The following TTC13 variants were observed in gnomAD, a reference collection of about 807,000 sequenced individuals.
The protein encoded by TTC13 is tetratricopeptide repeat domain 13.
In TTC13, 62 loss-of-function variants were observed where a neutral mutation model predicts 120.0. The observed-to-expected ratio is 0.52, with a 90% CI of 0.42 to 0.64. The LOEUF is 0.64. Among genes scored for constraint, TTC13 ranks in the 30% least tolerant of loss-of-function variants. The pLI, the probability that TTC13 is intolerant of heterozygous loss-of-function variation, is 0.00. For missense variants in TTC13, 824 were observed against 1,050.2 expected (o/e 0.78, Z 2.98); for synonymous variants, 384 against 393.5 (o/e 0.98, Z 0.28).
chr1:230,949,449 T>C (rs1675331808), intron 4 of TTC13, among the ~76,000 whole-genome samples: 2 of 84,786 alleles, frequency 2.4e-5, no homozygotes, highest in Non-Finnish European at 5.0e-5. Context: ...AGCTGAAATA[T>C]CCGAACACTG....
At position 230,914,070 on chromosome 1, in the gene TTC13, G is replaced by A. The variant is rs543328442; in HGVS notation, c.2094-1312C>T. On this transcript the variant is annotated intron_variant, in intron 18 of 22. Transcript: ENST00000366661. ...CTGGTGAAGCAGGAGACAGAAGATGGGATGCCAGGCAGAGTCGACTCGAGG... is the reference window on the plus strand; with the variant it reads ...CTGGTGAAGCAGGAGACAGAAGATGAGATGCCAGGCAGAGTCGACTCGAGG... 2.0e-5 allele frequency among the ~76,000 whole-genome samples: 3 copies of A among 152,250 alleles called. No individual in the cohort carries two copies. The South Asian group carries it at 6.2e-4, about 32-fold the overall frequency.
In TTC13 at chr1:230,940,567, C is replaced by A. The variant is rs1327269847; in HGVS notation, c.673-11G>T. On this transcript the variant is annotated splice_polypyrimidine_tract_variant and intron_variant, in intron 6 of 22. Coordinates refer to ENST00000366661, the MANE Select transcript of TTC13 (RefSeq NM_024525.5). The surrounding 1 kb of genome is among the most constrained non-coding windows in gnomAD (Gnocchi z 4.1). Reference sequence around the variant, plus strand: ...CAGAGGGGACAGAATCTAGAAATCCCAAACATGTAATCAGGAAGAATACCA... The same window carrying A: ...CAGAGGGGACAGAATCTAGAAATCCAAAACATGTAATCAGGAAGAATACCA... The A allele has an allele frequency of 1.3e-6, 2 of 1,556,490 alleles. No individual in the cohort carries two copies. The highest frequency in any genetic ancestry group is 1.4e-5 in the African/African-American group (1 of 73,848).
At chr1:230,968,142 CT>C (rs1553299063) in intron 1 of TTC13, among the ~76,000 whole-genome samples, 1 of 125,984 alleles carries the variant, frequency 7.9e-6, no homozygotes, top group Non-Finnish European at 1.7e-5. Context: ...CTATTTTATT[CT>C]TCTTTTTTTT....
chr1:230,919,772 C>G (rs1672392319), intron 17 of TTC13, among the ~76,000 whole-genome samples: 1 of 152,116 alleles, frequency 6.6e-6, no homozygotes, highest in Admixed American at 6.6e-5. Flanking sequence ...AACTAAACGC[C>G]CAAGGTGTTC....
At chr1:230,916,427 A>C in intron 17 of TTC13, 125 bp from the exon 18 acceptor site, 1 of 752,686 alleles carries the variant, frequency 1.3e-6, no homozygotes, top group South Asian at 1.5e-5. Context: ...ATCTGATACA[A>C]GAGATGGTGG....
At chr1:230,948,663 T>C (rs543773412) in intron 4 of TTC13, among the ~76,000 whole-genome samples, 6 of 152,118 alleles carry the variant, frequency 3.9e-5, no homozygotes, top group African/African-American at 1.4e-4. Context: ...AATTTTAAAA[T>C]TTTTTTGTTG....
At position 230,929,165 on chromosome 1, in the gene TTC13, C is replaced by T. The variant is rs939407531; in HGVS notation, c.1301-72G>A. 9.1e-6 allele frequency: 13 copies of T among 1,433,352 alleles called. No individual in the cohort carries two copies. The Admixed American group carries it at 1.6e-4, about 18-fold the overall frequency. 88.8% of individuals were successfully genotyped at this position (1,433,352 alleles called of 1,614,324 possible). A position where few individuals can be genotyped will look rare whatever the true frequency, so the allele number is the denominator to read the frequency against. The stretch of plus-strand genomic sequence containing the variant: ...AACTTTCTTATGGCTAGCTGCCATA[C>T]AAATACTTTGTAACAAGCTGTTCTT... On this transcript the variant is annotated intron_variant, in intron 11 of 22. Transcript: ENST00000366661.
chr1:230,911,847 C>A (rs186414480), intron 19 of TTC13, among the ~76,000 whole-genome samples: 22 of 152,224 alleles, frequency 1.4e-4, no homozygotes, highest in Admixed American at 5.9e-4. Flanking sequence ...TATATTGTGA[C>A]TAAAATTTTA....
At position 230,978,809 on chromosome 1, in the gene TTC13, A is replaced by G. The variant is rs768291169; in HGVS notation, c.22T>C (p.Cys8Arg). 1 of 1,493,230 alleles carries G rather than the reference A, an allele frequency of 6.7e-7. No homozygotes were observed. Among genetic ancestry groups the G allele is most frequent in the Non-Finnish European group, 8.8e-7 (1 of 1,130,938 alleles). The allele number at this position is 1,493,230 out of a possible 1,614,324, so 92.5% of individuals were successfully genotyped here. A position where few individuals can be genotyped will look rare whatever the true frequency, so the allele number is the denominator to read the frequency against. Residue 8 changes from cysteine (C) to arginine (R), a missense_variant, in exon 1 of 23, where the codon TGC (cysteine) becomes CGC (arginine). By Grantham distance (180) the Cys-to-Arg change is radical. Coordinates refer to ENST00000366661, the MANE Select transcript of TTC13 (RefSeq NM_024525.5). This position sits in a 1 kb window ranked among gnomAD's most constrained non-coding sequence, Gnocchi z 5.6. ...GCGCCGCCCCAGAAGCAGCAGCAGC[A>G]GCAGCAGCCGGCAGGTGCCATCTTC... MAPAGCC[C>R]CCCFWGGAVA...
In TTC13 at chr1:230,940,318, T is replaced by C. The variant is rs1188333281; in HGVS notation, c.789+122A>G. On this transcript the variant is annotated intron_variant, in intron 7 of 22. Coordinates refer to ENST00000366661, the MANE Select transcript of TTC13 (RefSeq NM_024525.5). This position sits in a 1 kb window ranked among gnomAD's most constrained non-coding sequence, Gnocchi z 4.1. Reference sequence around the variant, plus strand: ...CTACAGAAAATGCTTTTATAACTCTTATGACACAGACATATTACTAAACAG... The same window carrying C: ...CTACAGAAAATGCTTTTATAACTCTCATGACACAGACATATTACTAAACAG... 3.4e-6 allele frequency: 2 copies of C among 580,434 alleles called. No individual in the cohort carries two copies. The highest frequency in any genetic ancestry group is 6.0e-6 in the Non-Finnish European group (2 of 333,274). 36.0% of individuals were successfully genotyped at this position (580,434 alleles called of 1,614,324 possible). A position where few individuals can be genotyped will look rare whatever the true frequency, so the allele number is the denominator to read the frequency against.
Position 230,943,834 on chromosome 1 carries a change from C to T in TTC13, c.644G>A (p.Arg215His), listed in dbSNP as rs200932562. The T allele has an allele frequency of 2.3e-5, 37 of 1,611,512 alleles. No homozygotes were observed. The highest frequency in any genetic ancestry group is 4.5e-5 in the East Asian group (2 of 44,820). ...TGCTCGCTGCTCAAATACCTCTGGA[C>T]GATCTGGTTCCAAGGTAATTACTCG... ...LSRVITLEPD[R>H]PEVFEQRAEI... The change falls in exon 6 of 23, where the codon CGT becomes CAT. Residue 215 changes from arginine (R) to histidine (H), a missense_variant. Around this residue, in one of 4 missense-constraint regions of TTC13, gnomAD observed 430 missense variants for 626.8 expected, o/e 0.69. Transcript: ENST00000366661.
At chr1:230,910,722 AT>A (rs1202346016) in intron 20 of TTC13, among the ~76,000 whole-genome samples, 1 of 152,238 alleles carries the variant, frequency 6.6e-6, no homozygotes, top group East Asian at 1.9e-4. Flanking sequence ...ACAACTAGCA[AT>A]ATTATGCTGA....
intron 20 of TTC13, 61 bp downstream of exon 20, chr1:230,911,409 A>G (rs2102735170): frequency 7.8e-7 from 1 of 1,290,216 alleles, no homozygotes; most frequent in Non-Finnish European, 1.1e-6. Flanking sequence ...AACAGGAAGG[A>G]TAAGCAAAAA....
rs77728359 is a variant in TTC13, at chr1:230,935,957, A to G, written c.901-2096T>C. On this transcript the variant is annotated intron_variant, in intron 8 of 22. Transcript: ENST00000366661. ...TGGGTATGGGAGATGAGGGAGAAGA[A>G]AGGGTAGGAAGCTTTTAAGCTGAAG... Among the ~76,000 whole-genome samples the G allele has an allele frequency of 8.1e-4, 124 of 152,276 alleles. 3 individuals are homozygous for G. In the East Asian group the frequency reaches 0.017, roughly 21 times the overall value.
At chr1:230,911,641 A>C (rs898089580) in intron 19 of TTC13, 92 bp from the exon 20 acceptor site, 1 of 765,548 alleles carries the variant, frequency 1.3e-6, no homozygotes, top group African/African-American at 1.8e-5. Context: ...AATCTACATC[A>C]AGAAGAGGAT....
intron 2 of TTC13, among the ~76,000 whole-genome samples, chr1:230,960,511 T>C (rs951454295): frequency 6.6e-6 from 1 of 152,018 alleles, no homozygotes; most frequent in Non-Finnish European, 1.5e-5. Context: ...CAGACGATCA[T>C]TCTCTAGTTT....
chr1:230,908,472 G>A (rs1671156983), intron 22 of TTC13: 1 of 541,582 alleles, frequency 1.8e-6, no homozygotes, highest in Non-Finnish European at 3.4e-6. Flanking sequence ...TTACAGGTAT[G>A]AGCTACTGTG....
intron 20 of TTC13, among the ~76,000 whole-genome samples, chr1:230,909,755 G>A (rs183677244): frequency 5.9e-5 from 9 of 152,356 alleles, no homozygotes; most frequent in Non-Finnish European, 1.3e-4. Flanking sequence ...GGGCATGTGT[G>A]TGAACTGCCA....
chr1:230,924,926 A>C lies in TTC13; in HGVS notation c.1636T>G (p.Trp546Gly). ...TTCATTCGAACTTTCGAGTTGGTCC[A>C]TGTACGCTGCACGGCTTGCATGACC... is the stretch of plus-strand genomic sequence containing the variant. The part of the protein sequence containing the change: ...LEVMQAVQRT[W>G]TNSKVRMNGK... The change falls in exon 14 of 23, where the codon TGG becomes GGG. Residue 546 changes from tryptophan (W) to glycine (G), a missense_variant. Trp to Gly is a radical substitution (Grantham distance 184, BLOSUM62 -2). Coordinates refer to ENST00000366661, the MANE Select transcript of TTC13 (RefSeq NM_024525.5). 6.2e-7 allele frequency: 1 copy of C among 1,614,226 alleles called. No individual in the cohort carries two copies.
Sources: allele counts gnomAD v4.1 joint callset (sites outside exome capture counted in the v4.1 genomes callset), GRCh38; gene constraint gnomAD v4.1.1; regional missense constraint gnomAD v4.1.1; non-coding constraint Gnocchi (gnomAD v3.1); transcripts MANE v1.5; gene names NCBI Gene and HGNC (gene_info 2026-07-23, HGNC 2026-07-21).